Variants in UBASH3B observed in about 807,000 individuals in gnomAD.
UBASH3B encodes ubiquitin-associated and SH3 domain-containing protein B.
In UBASH3B, 37 loss-of-function variants were observed where a neutral mutation model predicts 83.4. The observed-to-expected ratio is 0.44, with a 90% CI of 0.34 to 0.58. The LOEUF is 0.58. Among genes scored for constraint, UBASH3B ranks in the 20% least tolerant of loss-of-function variants. The pLI is 0.01. For missense variants in UBASH3B, 657 were observed against 827.2 expected, an observed-to-expected ratio of 0.79 and a Z score of 2.52; for synonymous variants, 304 against 318.3, an observed-to-expected ratio of 0.96 and a Z score of 0.48.
Position 122,759,365 on chromosome 11 carries a change from C to T in UBASH3B, c.162-16854C>T, listed in dbSNP as rs1413648258. Reference sequence around the variant, plus strand: ...CCCCAATCTTTTTGGCACCAGGAACCGGTTTTGTGGAAGACAGTTTTTCCA... The same window carrying T: ...CCCCAATCTTTTTGGCACCAGGAACTGGTTTTGTGGAAGACAGTTTTTCCA... On this transcript the variant is annotated intron_variant, in intron 1 of 13. Coordinates refer to ENST00000284273, the MANE Select transcript of UBASH3B (RefSeq NM_032873.5). This position sits in a 1 kb window ranked among gnomAD's most constrained non-coding sequence, Gnocchi z 4.1. Among the ~76,000 whole-genome samples, 1 of 152,132 alleles carries T rather than the reference C, an allele frequency of 6.6e-6. No homozygotes were observed.
chr11:122,755,689 G>A (rs1861271766), intron 1 of UBASH3B, among the ~76,000 whole-genome samples: 1 of 152,128 alleles, frequency 6.6e-6, no homozygotes. Context: ...GACTCATTTC[G>A]GATCCTCCTC....
At chr11:122,764,889 G>A (rs538582607) in intron 1 of UBASH3B, among the ~76,000 whole-genome samples, 21 of 152,208 alleles carry the variant, frequency 1.4e-4, no homozygotes, top group Non-Finnish European at 2.6e-4. Context: ...GCCAACAGAA[G>A]AGAAAAAGGA....
intron 1 of UBASH3B, among the ~76,000 whole-genome samples, chr11:122,746,300 T>C (rs750587332): frequency 1.5e-4 from 23 of 152,078 alleles, no homozygotes; most frequent in Non-Finnish European, 3.2e-4. Flanking sequence ...GCTCTTTCGG[T>C]AGGGAGGTTC....
intron 5 of UBASH3B, 34 bp downstream of exon 5, chr11:122,783,256 G>C (rs540776829): frequency 6.2e-7 from 1 of 1,603,216 alleles, no homozygotes; most frequent in Non-Finnish European, 8.5e-7. Flanking sequence ...AAGCTACCAG[G>C]TGCAGGGATG....
chr11:122,691,182 A>G (rs1863891339), intron 1 of UBASH3B, among the ~76,000 whole-genome samples: 1 of 152,188 alleles, frequency 6.6e-6, no homozygotes, highest in African/African-American at 2.4e-5. Context: ...ACGAAACCAC[A>G]TGGCTGTGTG....
chr11:122,814,465 C>G lies in UBASH3B; in HGVS notation c.*4579C>G, dbSNP rs1861506153. On this transcript the variant is annotated 3_prime_UTR_variant, in exon 14 of 14. Transcript: ENST00000284273. ...TAGATGATTTAATAAAAAGAAACTTCTCAGTTGATCCAGAGCAATGTCATT... is the reference window on the plus strand; with the variant it reads ...TAGATGATTTAATAAAAAGAAACTTGTCAGTTGATCCAGAGCAATGTCATT... 6.6e-6 allele frequency: 1 copy of G among 152,626 alleles called. No homozygotes were observed. The highest frequency in any genetic ancestry group is 2.4e-5 in the African/African-American group (1 of 41,446). 9.5% of individuals were successfully genotyped at this position (152,626 alleles called of 1,614,324 possible).
intron 1 of UBASH3B, among the ~76,000 whole-genome samples, chr11:122,690,179 T>C (rs1409533748): frequency 3.0e-5 from 1 of 33,796 alleles, no homozygotes; most frequent in Non-Finnish European, 6.1e-5. Context: ...TATATATATA[T>C]ATATATATAT....
intron 3 of UBASH3B, among the ~76,000 whole-genome samples, chr11:122,778,864 C>G (rs544387363): frequency 1.3e-5 from 2 of 152,264 alleles, no homozygotes; most frequent in African/African-American, 4.8e-5. Context: ...CTCAGCCTCC[C>G]AAAGTGCTGG....
At chr11:122,792,077 C>T (rs1861064084) in intron 6 of UBASH3B, among the ~76,000 whole-genome samples, 1 of 152,166 alleles carries the variant, frequency 6.6e-6, no homozygotes, top group South Asian at 2.1e-4. Flanking sequence ...CAGCTCCACG[C>T]TGTCTCAGAG....
At chr11:122,784,377 T>C (rs1860911499) in intron 5 of UBASH3B, among the ~76,000 whole-genome samples, 2 of 152,152 alleles carry the variant, frequency 1.3e-5, no homozygotes, top group Admixed American at 1.3e-4. Context: ...AACTACATCA[T>C]AGCCAGGCAT....
chr11:122,732,063 G>A (rs551444486), intron 1 of UBASH3B, among the ~76,000 whole-genome samples: 1 of 152,166 alleles, frequency 6.6e-6, no homozygotes, highest in Admixed American at 6.5e-5. Context: ...TGCTTCCGGG[G>A]TGTCTCCCCC....
At chr11:122,669,484 C>G (rs2135898127) in intron 1 of UBASH3B, among the ~76,000 whole-genome samples, 1 of 152,302 alleles carries the variant, frequency 6.6e-6, no homozygotes, top group Admixed American at 6.5e-5. Context: ...TCTCTTTTGC[C>G]ATGTAAGGTC....
chr11:122,703,525 G>A (rs969325348), intron 1 of UBASH3B, among the ~76,000 whole-genome samples: 3 of 152,112 alleles, frequency 2.0e-5, no homozygotes, highest in Non-Finnish European at 4.4e-5. Flanking sequence ...AAATATGGGG[G>A]AAAATGCCTG....
At chr11:122,662,033 A>G (rs1184680200) in intron 1 of UBASH3B, among the ~76,000 whole-genome samples, 1 of 151,270 alleles carries the variant, frequency 6.6e-6, no homozygotes, top group Non-Finnish European at 1.5e-5. Context: ...TTAGCCTCCC[A>G]AGTAGCTAGG....
chr11:122,662,932 C>T (rs143694827), intron 1 of UBASH3B, among the ~76,000 whole-genome samples: 20 of 150,942 alleles, frequency 1.3e-4, no homozygotes, highest in Middle Eastern at 3.5e-3. Context: ...TAACCCCTTG[C>T]ACACAGCTTC....
rs1045597227 is a variant in UBASH3B, at chr11:122,810,693, A to G, written c.*807A>G. 1 of 152,550 alleles carries G rather than the reference A, an allele frequency of 6.6e-6. No individual in the cohort carries two copies. 9.4% of individuals were successfully genotyped at this position (152,550 alleles called of 1,614,324 possible). A position where few individuals can be genotyped will look rare whatever the true frequency, so the allele number is the denominator to read the frequency against. The stretch of plus-strand genomic sequence containing the variant: ...AATATGAAGTGACTTGGAATTAACC[A>G]TGTTGTAGCCTAACGTGCTACTGCA... On this transcript the variant is annotated 3_prime_UTR_variant, in exon 14 of 14. Coordinates refer to ENST00000284273, the MANE Select transcript of UBASH3B (RefSeq NM_032873.5).
intron 1 of UBASH3B, among the ~76,000 whole-genome samples, chr11:122,704,856 G>T (rs936815289): frequency 6.6e-6 from 1 of 151,946 alleles, no homozygotes; most frequent in African/African-American, 2.4e-5. Flanking sequence ...TTTCTTTAAG[G>T]GCCGCACTTT....
chr11:122,705,730 T>C (rs1333941346), intron 1 of UBASH3B, among the ~76,000 whole-genome samples: 1 of 152,178 alleles, frequency 6.6e-6, no homozygotes, highest in Non-Finnish European at 1.5e-5. Flanking sequence ...TCCACTGCCA[T>C]CTACCACCTC....
chr11:122,683,616 AAAAT>A (rs950626129), intron 1 of UBASH3B, among the ~76,000 whole-genome samples: 2 of 150,330 alleles, frequency 1.3e-5, no homozygotes, highest in African/African-American at 4.9e-5. Context: ...AAAAAAAAAA[AAAAT>A]AATAATAATA....
Sources: allele counts gnomAD v4.1 joint callset (sites outside exome capture counted in the v4.1 genomes callset), GRCh38; gene constraint gnomAD v4.1.1; non-coding constraint Gnocchi (gnomAD v3.1); transcripts MANE v1.5; gene names NCBI Gene and HGNC (gene_info 2026-07-23, HGNC 2026-07-21).